The following ATP2B2 variants were observed in gnomAD, a reference collection of about 807,000 sequenced individuals.
The protein encoded by ATP2B2 is plasma membrane calcium-transporting ATPase 2.
In ATP2B2, 15 loss-of-function variants were observed where a neutral mutation model predicts 120.0. The observed-to-expected ratio is 0.12, with a 90% confidence interval of 0.08 to 0.19. The LOEUF (loss-of-function observed/expected upper bound fraction) is 0.19, where lower values mean the gene tolerates loss of function less well. ATP2B2 is among the 10% of genes least tolerant of loss of function. The pLI, the probability that ATP2B2 is intolerant of heterozygous loss-of-function variation, is 1.00. For missense variants in ATP2B2, 1,045 were observed against 1,719.8 expected (o/e 0.61, Z 6.94); for synonymous variants, 694 against 700.3 (o/e 0.99, Z 0.14).
intron 1 of ATP2B2, among the ~76,000 whole-genome samples, chr3:10,469,147 T>G (rs963879376): frequency 1.3e-5 from 2 of 152,242 alleles, no homozygotes; most frequent in African/African-American, 4.8e-5. Flanking sequence ...AGCCTGGTAC[T>G]GCTCCCTCCT....
intron 2 of ATP2B2, among the ~76,000 whole-genome samples, chr3:10,616,753 T>C (rs1287593802): frequency 1.3e-5 from 2 of 152,156 alleles, no homozygotes; most frequent in African/African-American, 2.4e-5. Context: ...TTTGTGATTA[T>C]ATAAACAGTG....
In ATP2B2 at chr3:10,481,053, G is replaced by C. The variant is rs528333372; in HGVS notation, c.-320+24412C>G. On this transcript the variant is annotated intron_variant, in intron 1 of 22. Transcript: ENST00000360273. ...CTCTCTTTTTGTTCAGTTACACACT[G>C]GTAGGAAGTCTGCCTGGGGCTACCA... 2.0e-5 allele frequency among the ~76,000 whole-genome samples: 3 copies of C among 152,294 alleles called. No individual in the cohort carries two copies. The South Asian group carries it at 6.2e-4, about 32-fold the overall frequency.
intron 10 of ATP2B2, among the ~76,000 whole-genome samples, chr3:10,377,913 A>G (rs958200122): frequency 4.6e-5 from 7 of 152,204 alleles, no homozygotes; most frequent in South Asian, 2.1e-4. Context: ...TGAAGTGGGG[A>G]CAACTATTAT....
At chr3:10,335,410 C>T (rs543842797) in intron 22 of ATP2B2, among the ~76,000 whole-genome samples, 4 of 152,198 alleles carry the variant, frequency 2.6e-5, no homozygotes, top group Admixed American at 6.5e-5. Flanking sequence ...TGACAGGAAG[C>T]GGGCAGAGAC....
At chr3:10,646,242 C>T (rs1291149668) in intron 1 of ATP2B2, among the ~76,000 whole-genome samples, 3 of 152,186 alleles carry the variant, frequency 2.0e-5, no homozygotes, top group Non-Finnish European at 2.9e-5. Flanking sequence ...GTCCTTCTCA[C>T]GTTGTCCTGG....
At chr3:10,379,718 T>A (rs2061478884) in intron 8 of ATP2B2, among the ~76,000 whole-genome samples, 3 of 151,956 alleles carry the variant, frequency 2.0e-5, no homozygotes, top group Admixed American at 2.0e-4. Flanking sequence ...GTTACGTCCT[T>A]TTCATTTTCC....
At chr3:10,548,183 C>T (rs1482281909) in intron 2 of ATP2B2, among the ~76,000 whole-genome samples, 3 of 152,232 alleles carry the variant, frequency 2.0e-5, no homozygotes, top group Non-Finnish European at 1.5e-5. Flanking sequence ...GGAAAAGCCC[C>T]TGAAGGCTGC....
At chr3:10,336,383 C>A in intron 22 of ATP2B2, 1 of 1,327,530 alleles carries the variant, frequency 7.5e-7, no homozygotes, top group South Asian at 1.4e-5. Flanking sequence ...GTCACAAGAA[C>A]AGCCGCAGCC....
Position 10,338,375 on chromosome 3 carries a change from C to G in ATP2B2, c.3238-17G>C. ...GGCGATGACCTGCAAGGGACCCTGT[C>G]TGTCAGGACGGTGGGGCTGTCCTTC... On this transcript the variant is annotated splice_polypyrimidine_tract_variant and intron_variant, in intron 21 of 22. Coordinates refer to ENST00000360273, the MANE Select transcript of ATP2B2 (RefSeq NM_001001331.4). The G allele has an allele frequency of 1.9e-6, 3 of 1,614,180 alleles. No homozygotes were observed. Among genetic ancestry groups the G allele is most frequent in the Non-Finnish European group, 2.5e-6 (3 of 1,180,044 alleles).
chr3:10,450,232 C>T (rs1035447241), intron 1 of ATP2B2, among the ~76,000 whole-genome samples: 1 of 152,248 alleles, frequency 6.6e-6, no homozygotes, highest in East Asian at 1.9e-4. Flanking sequence ...GCCCCATGCA[C>T]CAGCTTTGAG....
intron 2 of ATP2B2, among the ~76,000 whole-genome samples, chr3:10,418,081 C>T (rs554337690): frequency 2.6e-5 from 4 of 152,192 alleles, no homozygotes; most frequent in Admixed American, 6.5e-5. Flanking sequence ...TCTTGTAACT[C>T]ATCTTTTTGC....
At chr3:10,552,978 T>A (rs2067701656) in intron 2 of ATP2B2, among the ~76,000 whole-genome samples, 1 of 152,230 alleles carries the variant, frequency 6.6e-6, no homozygotes, top group Non-Finnish European at 1.5e-5. Flanking sequence ...AGGCAGAGAT[T>A]GAATTGCTCC....
chr3:10,546,786 A>C (rs1052690074), intron 2 of ATP2B2, among the ~76,000 whole-genome samples: 21 of 152,220 alleles, frequency 1.4e-4, no homozygotes, highest in Admixed American at 2.6e-4. Context: ...TGAGGCTCTT[A>C]GAGGAAGACC....
chr3:10,634,031 C>T (rs2069949962), intron 1 of ATP2B2, among the ~76,000 whole-genome samples: 1 of 152,178 alleles, frequency 6.6e-6, no homozygotes, highest in Admixed American at 6.5e-5. Context: ...ACAAGGAGAA[C>T]CCTTCTTCCT....
intron 2 of ATP2B2, among the ~76,000 whole-genome samples, chr3:10,433,459 G>A (rs2063384561): frequency 6.6e-6 from 1 of 152,148 alleles, no homozygotes; most frequent in South Asian, 2.1e-4. Context: ...GGAGAAGGGG[G>A]ATAGGATTGG....
Position 10,636,549 on chromosome 3 carries a change from G to A in ATP2B2, c.-459-16588C>T, listed in dbSNP as rs147657199. 3.2e-3 allele frequency among the ~76,000 whole-genome samples: 483 copies of A among 152,226 alleles called. 5 individuals are homozygous for A. The highest frequency in any genetic ancestry group is 4.5e-3 in the Non-Finnish European group (309 of 68,016). ...CTTCTGTTTCCAGCCAAGAAGGAGC[G>A]ACAGAGACCAGATTTGCCCTCTCAC... is the stretch of plus-strand genomic sequence containing the variant. On this transcript the variant is annotated intron_variant, in intron 1 of 21. Transcript: ENST00000646379.
intron 2 of ATP2B2, among the ~76,000 whole-genome samples, chr3:10,419,011 G>T (rs1308686833): frequency 6.6e-6 from 1 of 152,232 alleles, no homozygotes; most frequent in East Asian, 1.9e-4. Context: ...CCTCAGCCCT[G>T]GGTTCAAATC....
intron 1 of ATP2B2, among the ~76,000 whole-genome samples, chr3:10,466,311 C>T (rs1035986411): frequency 2.0e-5 from 3 of 152,312 alleles, no homozygotes; most frequent in Middle Eastern, 3.4e-3. Flanking sequence ...TTCATGTCTA[C>T]GTGTGCATGC....
chr3:10,529,698 C>T (rs2067170949), intron 3 of ATP2B2, among the ~76,000 whole-genome samples: 1 of 152,160 alleles, frequency 6.6e-6, no homozygotes, highest in Admixed American at 6.5e-5. Context: ...GGTTGAAGTC[C>T]TAACCCCTCA....
Sources: gnomAD v4.1 joint callset for allele counts (sites outside exome capture counted in the v4.1 genomes callset) on GRCh38, gnomAD v4.1.1 for gene constraint, MANE v1.5 for transcripts, NCBI Gene and HGNC (gene_info 2026-07-23, HGNC 2026-07-21) for gene names.